Variants in MBNL1 observed in about 807,000 individuals in gnomAD.
MBNL1 encodes muscleblind like splicing regulator 1.
Under a neutral mutation model 42.2 loss-of-function variants are expected in MBNL1, and 8 were observed. That is an observed-to-expected ratio of 0.19 (90% confidence interval 0.11 to 0.34). The LOEUF is 0.34. Among genes scored for constraint, MBNL1 ranks in the 10% least tolerant of loss-of-function variants. The probability of loss-of-function intolerance (pLI) is 1.00; values close to 1 mark genes in which losing one functional copy is unlikely to be tolerated. For missense variants in MBNL1, 309 were observed against 495.3 expected (o/e 0.62, Z 3.57); for synonymous variants, 169 against 173.9 (o/e 0.97, Z 0.22).
intron 2 of MBNL1, among the ~76,000 whole-genome samples, chr3:152,344,445 A>C (rs1040070548): frequency 2.6e-5 from 4 of 152,188 alleles, no homozygotes; most frequent in African/African-American, 9.6e-5. Flanking sequence ...ATCAAAAGCC[A>C]GAGACACTGG....
intron 2 of MBNL1, chr3:152,396,268 A>G (rs770279861): frequency 9.0e-6 from 2 of 222,714 alleles, no homozygotes; most frequent in South Asian, 1.3e-4. Flanking sequence ...ATGTAATAAT[A>G]ATAGAAATAA....
In MBNL1 at chr3:152,299,695, A is replaced by G. The variant is rs1039520595; in HGVS notation, c.-499A>G. The G allele has an allele frequency of 2.5e-6, 1 of 398,548 alleles. No homozygotes were observed. Among genetic ancestry groups the G allele is most frequent in the African/African-American group, 2.1e-5 (1 of 48,648 alleles). 24.7% of individuals were successfully genotyped at this position (398,548 alleles called of 1,614,324 possible). A position where few individuals can be genotyped will look rare whatever the true frequency, so the allele number is the denominator to read the frequency against. ...AAAATCATTTTCTCGATTTTGCTCT[A>G]AACTGCTGCATCTGTCTATGCCAAA... is the stretch of plus-strand genomic sequence containing the variant. On this transcript the variant is annotated 5_prime_UTR_variant, in exon 2 of 10. Transcript: ENST00000324210.
intron 1 of MBNL1, among the ~76,000 whole-genome samples, chr3:152,275,356 C>T (rs1314191978): frequency 6.6e-6 from 1 of 152,098 alleles, no homozygotes; most frequent in African/African-American, 2.4e-5. Context: ...TTTCAAGATG[C>T]CAGGTTCTGA....
At chr3:152,421,127 C>T (rs1403694620) in intron 3 of MBNL1, among the ~76,000 whole-genome samples, 2 of 152,182 alleles carry the variant, frequency 1.3e-5, no homozygotes, top group African/African-American at 4.8e-5. Context: ...TGTGTAAAGA[C>T]CAAACCTACG....
At chr3:152,427,768 T>A (rs1252519175) in intron 3 of MBNL1, among the ~76,000 whole-genome samples, 1 of 150,626 alleles carries the variant, frequency 6.6e-6, no homozygotes, top group East Asian at 1.9e-4. Flanking sequence ...TTAAAAATTT[T>A]AAAAAATATT....
chr3:152,423,866 T>C (rs567716030), intron 3 of MBNL1, among the ~76,000 whole-genome samples: 3 of 152,322 alleles, frequency 2.0e-5, no homozygotes, highest in Admixed American at 6.5e-5. Context: ...GAAAAGGCTT[T>C]TAATAAAATT....
intron 2 of MBNL1, among the ~76,000 whole-genome samples, chr3:152,363,298 A>C (rs1303414558): frequency 6.6e-6 from 1 of 152,162 alleles, no homozygotes; most frequent in Non-Finnish European, 1.5e-5. Context: ...TTTTATGTGG[A>C]CCTTGCACAC....
chr3:152,301,068 C>A, intron 2 of MBNL1: 1 of 222,546 alleles, frequency 4.5e-6, no homozygotes, highest in Non-Finnish European at 7.5e-6. Flanking sequence ...AGTTTATTTT[C>A]TGTTAGATCA....
At chr3:152,431,067 AAG>A (rs1247973733) in intron 3 of MBNL1, among the ~76,000 whole-genome samples, 1 of 152,212 alleles carries the variant, frequency 6.6e-6, no homozygotes, top group Non-Finnish European at 1.5e-5. Context: ...GCTAAATGCA[AAG>A]AGTTTGTTTC....
chr3:152,325,083 A>ACCCCCCCTCCCCCCCCC (rs532514721), intron 2 of MBNL1, among the ~76,000 whole-genome samples: 1 of 26,008 alleles, frequency 3.8e-5, no homozygotes, highest in Admixed American at 5.2e-4. Flanking sequence ...AATGCCACAT[A>ACCCCCCCTCCCCCCCCC]CCCGCCCCCC....
intron 6 of MBNL1, among the ~76,000 whole-genome samples, chr3:152,449,025 G>A (rs1716217827): frequency 6.6e-6 from 1 of 152,026 alleles, no homozygotes; most frequent in South Asian, 2.1e-4. Context: ...CTTATGTTTT[G>A]TAATATTATA....
At chr3:152,401,882 A>G (rs1188928567) in intron 2 of MBNL1, among the ~76,000 whole-genome samples, 1 of 151,924 alleles carries the variant, frequency 6.6e-6, no homozygotes, top group Non-Finnish European at 1.5e-5. Context: ...TACAAAAAAA[A>G]TCAGCCGTGT....
chr3:152,378,839 C>T (rs978947511), intron 2 of MBNL1, among the ~76,000 whole-genome samples: 1 of 152,150 alleles, frequency 6.6e-6, no homozygotes, highest in Non-Finnish European at 1.5e-5. Context: ...ATCTCAGGCT[C>T]TCAAGTACCT....
chr3:152,243,836 A>T (rs2032245283), exon 1 of MBNL1: 1 of 152,222 alleles, frequency 6.6e-6, no homozygotes, highest in Non-Finnish European at 1.5e-5. Flanking sequence ...ATGGAGTCTC[A>T]CTGTGTCTCC....
At chr3:152,339,487 C>T (rs1026023565) in intron 2 of MBNL1, among the ~76,000 whole-genome samples, 2 of 150,802 alleles carry the variant, frequency 1.3e-5, no homozygotes, top group Non-Finnish European at 3.0e-5. Flanking sequence ...TCTTTTTTTT[C>T]CCCCGCCTCT....
chr3:152,436,782 C>T (rs2099083563), intron 4 of MBNL1, among the ~76,000 whole-genome samples: 1 of 152,154 alleles, frequency 6.6e-6, no homozygotes. Flanking sequence ...TGAGGAGCTA[C>T]TTAGCGTATT....
At chr3:152,335,324 G>C (rs1207807765) in intron 2 of MBNL1, 1 of 1,188,614 alleles carries the variant, frequency 8.4e-7, no homozygotes, top group Non-Finnish European at 1.1e-6. Context: ...CATGGGAAAT[G>C]GCTTTTGGTA....
chr3:152,244,661 C>G (rs1397743379), intron 2 of MBNL1, among the ~76,000 whole-genome samples: 1 of 152,084 alleles, frequency 6.6e-6, no homozygotes, highest in African/African-American at 2.4e-5. Context: ...TTTCATTGAT[C>G]TCCAAATTAT....
chr3:152,408,885 C>T (rs1438992809), intron 2 of MBNL1, among the ~76,000 whole-genome samples: 4 of 152,122 alleles, frequency 2.6e-5, no homozygotes, highest in Admixed American at 6.6e-5. Context: ...TAGTACAATG[C>T]ACAGGACAAC....
Sources: gnomAD v4.1 joint callset for allele counts (sites outside exome capture counted in the v4.1 genomes callset) on GRCh38, gnomAD v4.1.1 for gene constraint, MANE v1.5 for transcripts, NCBI Gene and HGNC (gene_info 2026-07-23, HGNC 2026-07-21) for gene names.